The following ZDHHC14 variants were observed in gnomAD, a reference collection of about 807,000 sequenced individuals.
The protein encoded by ZDHHC14 is zDHHC palmitoyltransferase 14.
In ZDHHC14, 16 loss-of-function variants were observed where a neutral mutation model predicts 47.7. The ratio of observed to expected loss-of-function variants is 0.34; its 90% CI spans 0.23 to 0.51. The LOEUF (loss-of-function observed/expected upper bound fraction) is 0.51. Ranked by LOEUF, ZDHHC14 falls within the 20% of genes least tolerant of loss-of-function variation. The pLI, the probability that ZDHHC14 is intolerant of heterozygous loss-of-function variation, is 0.97. For missense variants in ZDHHC14, 515 were observed against 662.5 expected, an observed-to-expected ratio of 0.78 and a Z score of 2.44; for synonymous variants, 293 against 278.9, an observed-to-expected ratio of 1.05 and a Z score of -0.50.
intron 2 of ZDHHC14, among the ~76,000 whole-genome samples, chr6:157,545,218 T>A (rs982420156): frequency 6.7e-6 from 1 of 149,868 alleles, no homozygotes; most frequent in Non-Finnish European, 1.5e-5. Flanking sequence ...GCAGGTTAAC[T>A]GCACATGACA....
chr6:157,461,181 C>T (rs1464380951), intron 1 of ZDHHC14, among the ~76,000 whole-genome samples: 3 of 152,158 alleles, frequency 2.0e-5, no homozygotes, highest in African/African-American at 7.2e-5. Flanking sequence ...CCACCGTAAA[C>T]AGTATCTCAT....
chr6:157,661,280 C>G (rs1778332936), intron 8 of ZDHHC14, among the ~76,000 whole-genome samples: 1 of 152,190 alleles, frequency 6.6e-6, no homozygotes, highest in Non-Finnish European at 1.5e-5. Flanking sequence ...GGTAGAAAGT[C>G]ACTTGGAAAC....
At chr6:157,399,007 A>T (rs1486199507) in intron 1 of ZDHHC14, among the ~76,000 whole-genome samples, 1 of 152,192 alleles carries the variant, frequency 6.6e-6, no homozygotes, top group East Asian at 1.9e-4. Context: ...AATAATTAAG[A>T]CGTTTATGAA....
intron 3 of ZDHHC14, among the ~76,000 whole-genome samples, chr6:157,599,603 A>G (rs1352836145): frequency 6.6e-6 from 1 of 152,262 alleles, no homozygotes; most frequent in Non-Finnish European, 1.5e-5. Flanking sequence ...TGGATGGCCA[A>G]TGAAATAAAA....
chr6:157,386,087 A>T (rs891199543), intron 1 of ZDHHC14, among the ~76,000 whole-genome samples: 2 of 152,152 alleles, frequency 1.3e-5, no homozygotes, highest in African/African-American at 4.8e-5. Context: ...TGTTAGAGTA[A>T]ATCTTAGAAG....
chr6:157,453,788 T>TTGTGTGTGTGTGTGTGTGTATGTGTG (rs1554258660), intron 1 of ZDHHC14, among the ~76,000 whole-genome samples: 7 of 148,196 alleles, frequency 4.7e-5, no homozygotes, highest in African/African-American at 1.8e-4. Flanking sequence ...TTTTTGTGTT[T>TTGTGTGTGTGTGTGTGTGTATGTGTG]TGTGTGTGTG....
At chr6:157,538,791 T>C (rs1034052994) in intron 1 of ZDHHC14, among the ~76,000 whole-genome samples, 1 of 152,018 alleles carries the variant, frequency 6.6e-6, no homozygotes, top group Non-Finnish European at 1.5e-5. Flanking sequence ...AACTGGAAAG[T>C]TGGGAGCATC....
chr6:157,559,103 G>A (rs1582940026), intron 2 of ZDHHC14, among the ~76,000 whole-genome samples: 1 of 152,192 alleles, frequency 6.6e-6, no homozygotes, highest in Non-Finnish European at 1.5e-5. Flanking sequence ...ATAAATGGTT[G>A]TTGGTTTTCT....
rs376776061 is a variant in ZDHHC14 at position 157,567,810 on chromosome 6, C to A, written c.406+25065C>A. On this transcript the variant is annotated intron_variant, in intron 2 of 8. Transcript: ENST00000359775. The stretch of plus-strand genomic sequence containing the variant: ...TGGGTGACAGAGTGAGACCCCATCT[C>A]AAAAAAAAAAAAAAAAGTTGGACCA... Among the ~76,000 whole-genome samples, 108 of 136,196 alleles carry A rather than the reference C, an allele frequency of 7.9e-4. 1 individual carries two copies. The highest frequency in any genetic ancestry group is 9.6e-4 in the South Asian group (4 of 4,182). 89.3% of individuals were successfully genotyped at this position (136,196 alleles called of 152,430 possible). A position where few individuals can be genotyped will look rare whatever the true frequency, so the allele number is the denominator to read the frequency against.
intron 1 of ZDHHC14, among the ~76,000 whole-genome samples, chr6:157,479,090 G>A (rs146094164): frequency 6.6e-6 from 1 of 152,316 alleles, no homozygotes; most frequent in African/African-American, 2.4e-5. Context: ...AAGCCAGCAT[G>A]GCATTGTGAT....
chr6:157,533,779 A>C (rs138236924), intron 1 of ZDHHC14, among the ~76,000 whole-genome samples: 3,881 of 152,342 alleles, frequency 0.025, 176 homozygotes, highest in African/African-American at 0.089. Context: ...TGCAACGTGG[A>C]AAGCCCTCAA....
chr6:157,537,864 A>C (rs1781597556), intron 1 of ZDHHC14, among the ~76,000 whole-genome samples: 1 of 152,196 alleles, frequency 6.6e-6, no homozygotes, highest in Admixed American at 6.5e-5. Context: ...TCAGCTGTGA[A>C]GCCGTGCCAG....
chr6:157,611,860 T>G (rs544777302), intron 3 of ZDHHC14, among the ~76,000 whole-genome samples: 1 of 152,380 alleles, frequency 6.6e-6, no homozygotes, highest in Non-Finnish European at 1.5e-5. Context: ...TTTGTGGCTC[T>G]GACGAGTGTG....
rs184103080 is a variant in ZDHHC14 at position 157,673,395 on chromosome 6, G to T, written c.*273G>T. Reference sequence around the variant, plus strand: ...GCTTTCTTTTGGTGACCCTCCAGGGGTGGAATCGGAGTGTGTCTGCCCGCC... The same window carrying T: ...GCTTTCTTTTGGTGACCCTCCAGGGTTGGAATCGGAGTGTGTCTGCCCGCC... On this transcript the variant is annotated 3_prime_UTR_variant, in exon 9 of 9. Transcript: ENST00000359775. The surrounding 1 kb of genome is among the most constrained non-coding windows in gnomAD (Gnocchi z 5.4). 2 of 511,288 alleles carry T rather than the reference G, an allele frequency of 3.9e-6. No individual in the cohort carries two copies. The highest frequency in any genetic ancestry group is 2.0e-5 in the African/African-American group (1 of 49,240). The allele number at this position is 511,288 out of a possible 1,614,324, so 31.7% of individuals were successfully genotyped here.
chr6:157,417,350 C>T (rs993400814), intron 1 of ZDHHC14, among the ~76,000 whole-genome samples: 1 of 152,282 alleles, frequency 6.6e-6, no homozygotes, highest in South Asian at 2.1e-4. Context: ...CAAGTGAGAT[C>T]CTACTACATA....
At chr6:157,590,711 C>A (rs1783876222) in intron 2 of ZDHHC14, among the ~76,000 whole-genome samples, 1 of 152,220 alleles carries the variant, frequency 6.6e-6, no homozygotes, top group African/African-American at 2.4e-5. Context: ...AGAGTCCCCA[C>A]TGGGGCACTG....
chr6:157,414,597 A>G (rs1464195132), intron 1 of ZDHHC14, among the ~76,000 whole-genome samples: 5 of 152,008 alleles, frequency 3.3e-5, no homozygotes, highest in African/African-American at 1.2e-4. Context: ...GCTGCCAGAG[A>G]CTTTCATCCA....
chr6:157,540,933 T>TATATATATATATATAA (rs1252700559), intron 1 of ZDHHC14, among the ~76,000 whole-genome samples: 29 of 143,420 alleles, frequency 2.0e-4, no homozygotes, highest in African/African-American at 7.9e-4. Context: ...TATATATATA[T>TATATATATATATATAA]AATTTCATAC....
intron 3 of ZDHHC14, among the ~76,000 whole-genome samples, chr6:157,599,733 A>G (rs1784271363): frequency 6.6e-6 from 1 of 152,274 alleles, no homozygotes; most frequent in African/African-American, 2.4e-5. Flanking sequence ...ACCATAAGAA[A>G]ACAATGACTT....
Sources: allele counts gnomAD v4.1 joint callset (sites outside exome capture counted in the v4.1 genomes callset), GRCh38; gene constraint gnomAD v4.1.1; non-coding constraint Gnocchi (gnomAD v3.1); transcripts MANE v1.5; gene names NCBI Gene and HGNC (gene_info 2026-07-23, HGNC 2026-07-21).